Variants in ELAVL1 observed in about 807,000 individuals in gnomAD.
The protein encoded by ELAVL1 is ELAV-like protein 1.
Under a neutral mutation model 28.4 loss-of-function variants are expected in ELAVL1, and 1 was observed. That is an observed-to-expected ratio of 0.04 (90% CI 0.01 to 0.17). The LOEUF (loss-of-function observed/expected upper bound fraction) is 0.17, where lower values mean the gene tolerates loss of function less well. Ranked by LOEUF, ELAVL1 falls within the 10% of genes least tolerant of loss-of-function variation. The probability of loss-of-function intolerance (pLI) is 1.00; values close to 1 mark genes in which losing one functional copy is unlikely to be tolerated. For synonymous variants in ELAVL1, 174 were observed against 183.5 expected, an observed-to-expected ratio of 0.95 and a Z score of 0.42; for missense variants, 157 against 447.2, an observed-to-expected ratio of 0.35 and a Z score of 5.85.
At chr19:7,990,978 C>T (rs1373110219) in intron 2 of ELAVL1, among the ~76,000 whole-genome samples, 1 of 152,168 alleles carries the variant, frequency 6.6e-6, no homozygotes, top group Admixed American at 6.5e-5. Flanking sequence ...AGGTAGGGAC[C>T]ACCAGGATGT....
Position 7,981,123 on chromosome 19 carries a change from T to C in ELAVL1, c.236A>G (p.Asn79Ser). Residue 79 changes from asparagine to serine, a missense_variant, in exon 3 of 6, where the codon AAC becomes AGC. By Grantham distance (46) the Asn-to-Ser change is conservative. Around this residue, in one of 4 missense-constraint regions of ELAVL1, gnomAD observed 28 missense variants for 89.7 expected, o/e 0.31. Coordinates refer to ENST00000407627, the MANE Select transcript of ELAVL1 (RefSeq NM_001419.3). This position sits in a 1 kb window ranked among gnomAD's most constrained non-coding sequence, Gnocchi z 4.2. ...VTAKDAERAI[N>S]TLNGLRLQSK... ...CTGGAGCCTCAAGCCGTTCAGCGTG[T>C]TGATCGCTCTCTCTGCATCCTTCGC... The C allele has an allele frequency of 1.2e-6, 2 of 1,614,140 alleles. No homozygotes were observed. The highest frequency in any genetic ancestry group is 1.7e-6 in the Non-Finnish European group (2 of 1,180,016).
intron 1 of ELAVL1, among the ~76,000 whole-genome samples, chr19:7,994,952 T>A (rs1985840347): frequency 6.6e-6 from 1 of 151,986 alleles, no homozygotes; most frequent in South Asian, 2.1e-4. Context: ...AGACTCTGTC[T>A]CAAAACAAAA....
chr19:7,976,499 G>A (rs10401186), intron 3 of ELAVL1, among the ~76,000 whole-genome samples: 17,775 of 152,220 alleles, frequency 0.12, 1,115 homozygotes, highest in African/African-American at 0.13. Flanking sequence ...TCTGTGTGAA[G>A]ATGGAGGCAG....
intron 3 of ELAVL1, 46 bp from the exon 4 acceptor site, chr19:7,973,924 A>T: frequency 6.2e-7 from 1 of 1,605,938 alleles, no homozygotes; most frequent in Non-Finnish European, 8.5e-7. Context: ...GCACGTGGCC[A>T]AAGCATTGAG....
chr19:7,963,791 C>T lies in ELAVL1; in HGVS notation c.673G>A (p.Val225Ile), dbSNP rs763270784. ...AQRFRFSPMG[V>I]DHMSGLSGVN... ...CCAGAGAGCCCGCTCATGTGATCGA[C>T]GCCCATGGGGGAGAACCTGGCAGAC... is the stretch of plus-strand genomic sequence containing the variant. Residue 225 changes from valine to isoleucine, a missense_variant, in exon 6 of 6, where the codon GTC (valine) becomes ATC (isoleucine). This residue lies in a region of ELAVL1 where 107 missense variants were observed against 310.4 expected (regional missense o/e 0.34). Coordinates refer to ENST00000407627, the MANE Select transcript of ELAVL1 (RefSeq NM_001419.3). The surrounding 1 kb of genome is among the most constrained non-coding windows in gnomAD (Gnocchi z 4.5). The T allele has an allele frequency of 8.7e-6, 14 of 1,613,882 alleles. No individual in the cohort carries two copies. The highest frequency in any genetic ancestry group is 1.3e-5 in the African/African-American group (1 of 75,078).
intron 4 of ELAVL1, among the ~76,000 whole-genome samples, chr19:7,972,223 C>T (rs918165380): frequency 2.0e-5 from 3 of 152,224 alleles, no homozygotes; most frequent in African/African-American, 4.8e-5. Context: ...ATCCTAAATC[C>T]CCTCAGGGTG....
At chr19:8,001,298 C>A (rs2081067057) in intron 1 of ELAVL1, among the ~76,000 whole-genome samples, 1 of 152,194 alleles carries the variant, frequency 6.6e-6, no homozygotes, top group Non-Finnish European at 1.5e-5. Flanking sequence ...GGTGGCATAG[C>A]CCCACCTGTC....
At position 7,973,849 on chromosome 19, in the gene ELAVL1, C is replaced by A; in HGVS notation, c.306G>T (p.Val102=). 6.2e-7 allele frequency: 1 copy of A among 1,614,116 alleles called. No homozygotes were observed. The highest frequency in any genetic ancestry group is 1.1e-5 in the South Asian group (1 of 91,078). The change falls in exon 4 of 6, where the codon GTG becomes GTT. Residue 102 remains valine, a synonymous_variant. Transcript: ENST00000407627. ...KVSYARPSSE[V]IKDANLYISG... ...TGATGTACAAGTTGGCGTCTTTGAT[C>A]ACCTCTGAGCTCGGGCGAGCATACG...
At chr19:7,976,798 T>G (rs927282946) in intron 3 of ELAVL1, among the ~76,000 whole-genome samples, 2 of 151,908 alleles carry the variant, frequency 1.3e-5, no homozygotes, top group Non-Finnish European at 2.9e-5. Flanking sequence ...CTCCTGTCCC[T>G]ATTTAGTTCT....
Position 7,963,949 on chromosome 19 carries a change from G to A in ELAVL1, c.657-142C>T. On this transcript the variant is annotated intron_variant, in intron 5 of 5. Coordinates refer to ENST00000407627, the MANE Select transcript of ELAVL1 (RefSeq NM_001419.3). This position sits in a 1 kb window ranked among gnomAD's most constrained non-coding sequence, Gnocchi z 4.5. ...CGAGGTGCTCACGGTTGAGACACCTGCATGGGTCAAAACCCTGGGAGGAAT... is the reference window on the plus strand; with the variant it reads ...CGAGGTGCTCACGGTTGAGACACCTACATGGGTCAAAACCCTGGGAGGAAT... 3.3e-6 allele frequency: 3 copies of A among 909,472 alleles called. No individual in the cohort carries two copies. The highest frequency in any genetic ancestry group is 4.9e-6 in the Non-Finnish European group (3 of 615,936). The allele number at this position is 909,472 out of a possible 1,614,324, so 56.3% of individuals were successfully genotyped here. A position where few individuals can be genotyped will look rare whatever the true frequency, so the allele number is the denominator to read the frequency against.
At chr19:7,975,495 C>T (rs1057236539) in intron 3 of ELAVL1, among the ~76,000 whole-genome samples, 4 of 152,262 alleles carry the variant, frequency 2.6e-5, no homozygotes, top group Non-Finnish European at 4.4e-5. Flanking sequence ...GAACAGCTGG[C>T]GCACAGCAGG....
At chr19:7,966,896 G>T (rs1006075311) in intron 5 of ELAVL1, among the ~76,000 whole-genome samples, 1 of 152,186 alleles carries the variant, frequency 6.6e-6, no homozygotes, top group Non-Finnish European at 1.5e-5. Flanking sequence ...GAGATTACAG[G>T]TGTGTGCTCC....
intron 2 of ELAVL1, among the ~76,000 whole-genome samples, chr19:7,991,404 C>T (rs1194977119): frequency 6.6e-6 from 1 of 152,234 alleles, no homozygotes; most frequent in African/African-American, 2.4e-5. Context: ...TCTCCTCCCA[C>T]TGTCTTATTT....
intron 3 of ELAVL1, among the ~76,000 whole-genome samples, chr19:7,976,778 C>T (rs1302965540): frequency 2.6e-5 from 4 of 152,164 alleles, no homozygotes; most frequent in Non-Finnish European, 4.4e-5. Flanking sequence ...CTGGCATCAA[C>T]GCCCAGTTCC....
chr19:7,986,906 A>C (rs1985616840), intron 2 of ELAVL1, among the ~76,000 whole-genome samples: 1 of 152,178 alleles, frequency 6.6e-6, no homozygotes, highest in Admixed American at 6.5e-5. Context: ...ACATGTGCCC[A>C]AAAGCTAACA....
In ELAVL1 at chr19:7,974,567, G is replaced by A. The variant is rs545761419; in HGVS notation, c.277-689C>T. Among the ~76,000 whole-genome samples the A allele has an allele frequency of 1.8e-4, 28 of 152,256 alleles. 1 individual carries two copies. The South Asian group carries it at 5.8e-3, about 32-fold the overall frequency. ...GTGCTTTCTCAGGTTGGCGCTGACGGCCGTGCAGACCCCATGGGCCCAGAA... is the reference window on the plus strand; with the variant it reads ...GTGCTTTCTCAGGTTGGCGCTGACGACCGTGCAGACCCCATGGGCCCAGAA... On this transcript the variant is annotated intron_variant, in intron 3 of 5. Transcript: ENST00000407627.
At chr19:7,965,016 G>A (rs904660928) in intron 5 of ELAVL1, among the ~76,000 whole-genome samples, 4 of 152,206 alleles carry the variant, frequency 2.6e-5, no homozygotes, top group Non-Finnish European at 5.9e-5. Flanking sequence ...GCCTTCAAGC[G>A]CTGTTAAACA....
chr19:7,995,299 C>T (rs1032816937), intron 1 of ELAVL1, among the ~76,000 whole-genome samples: 1 of 152,206 alleles, frequency 6.6e-6, no homozygotes, highest in Non-Finnish European at 1.5e-5. Context: ...CTTTCTTTCT[C>T]TTTTTTCCTT....
chr19:8,004,961 A>G (rs1324271735), intron 1 of ELAVL1, among the ~76,000 whole-genome samples: 2 of 152,266 alleles, frequency 1.3e-5, no homozygotes, highest in South Asian at 2.1e-4. Flanking sequence ...GCGCTCAAAA[A>G]AAGATGCAGT....
Sources: allele counts gnomAD v4.1 joint callset (sites outside exome capture counted in the v4.1 genomes callset), GRCh38; gene constraint gnomAD v4.1.1; regional missense constraint gnomAD v4.1.1; non-coding constraint Gnocchi (gnomAD v3.1); transcripts MANE v1.5; gene names NCBI Gene and HGNC (gene_info 2026-07-23, HGNC 2026-07-21).